PLXDC2: variants seen among roughly 807,000 people sequenced by gnomAD.
The protein encoded by PLXDC2 is plexin domain-containing protein 2.
Under a neutral mutation model 68.9 loss-of-function variants are expected in PLXDC2, and 40 were observed. The observed-to-expected ratio is 0.58, with a 90% CI of 0.45 to 0.76. PLXDC2 has a LOEUF of 0.76. Among genes scored for constraint, PLXDC2 ranks in the 30% least tolerant of loss-of-function variants. The probability of loss-of-function intolerance (pLI) is 0.00; values close to 1 mark genes in which losing one functional copy is unlikely to be tolerated. For missense variants in PLXDC2, 644 were observed against 661.9 expected (o/e 0.97, Z 0.30); for synonymous variants, 243 against 234.2 (o/e 1.04, Z -0.34).
intron 1 of PLXDC2, among the ~76,000 whole-genome samples, chr10:19,858,284 G>A (rs1025214464): frequency 6.6e-6 from 1 of 152,166 alleles, no homozygotes; most frequent in Non-Finnish European, 1.5e-5. Flanking sequence ...CCTGCACCAT[G>A]CAGCTAACCT....
chr10:20,035,805 C>A (rs935866274), intron 2 of PLXDC2, among the ~76,000 whole-genome samples: 1 of 152,172 alleles, frequency 6.6e-6, no homozygotes. Context: ...CAAGTAGTCA[C>A]AAGCTGGTAG....
intron 1 of PLXDC2, among the ~76,000 whole-genome samples, chr10:19,901,357 A>G (rs1360220884): frequency 6.6e-6 from 1 of 151,894 alleles, no homozygotes; most frequent in Non-Finnish European, 1.5e-5. Context: ...TGGTTTTTTG[A>G]TTATGGCCAT....
At chr10:20,004,493 G>A (rs1006748040) in intron 2 of PLXDC2, among the ~76,000 whole-genome samples, 3 of 152,158 alleles carry the variant, frequency 2.0e-5, no homozygotes, top group Admixed American at 6.5e-5. Flanking sequence ...CTGAATAGAA[G>A]CAGAGGCGTT....
chr10:20,098,820 G>A (rs987741798), intron 4 of PLXDC2, among the ~76,000 whole-genome samples: 1 of 152,134 alleles, frequency 6.6e-6, no homozygotes, highest in Non-Finnish European at 1.5e-5. Context: ...CAGATTGGGA[G>A]TTAGTCCTCT....
intron 1 of PLXDC2, among the ~76,000 whole-genome samples, chr10:19,977,211 C>T (rs889579790): frequency 1.8e-4 from 28 of 152,196 alleles, no homozygotes; most frequent in Non-Finnish European, 3.1e-4. Flanking sequence ...CCAACCAGGT[C>T]TTTTTATCGG....
At chr10:19,931,774 G>T (rs1041980619) in intron 1 of PLXDC2, among the ~76,000 whole-genome samples, 1 of 152,098 alleles carries the variant, frequency 6.6e-6, no homozygotes, top group African/African-American at 2.4e-5. Context: ...GCCTCTATCT[G>T]ACTCACCCTC....
chr10:19,890,726 C>G (rs911712512), intron 1 of PLXDC2, among the ~76,000 whole-genome samples: 1 of 142,500 alleles, frequency 7.0e-6, no homozygotes, highest in Non-Finnish European at 1.5e-5. Flanking sequence ...CGGCTAAACC[C>G]CACATTTTAA....
At chr10:20,044,217 C>CTT (rs1447424004) in intron 2 of PLXDC2, among the ~76,000 whole-genome samples, 51 of 13,598 alleles carry the variant, frequency 3.8e-3, no homozygotes, top group Admixed American at 9.7e-3. Flanking sequence ...CTCTGTCTTT[C>CTT]TTTCTTTCTT....
chr10:20,051,417 TATATATATATATA>T (rs1835898567), intron 3 of PLXDC2, among the ~76,000 whole-genome samples: 1 of 69,038 alleles, frequency 1.4e-5, no homozygotes, highest in Admixed American at 1.1e-4. Flanking sequence ...TATATATATA[TATATATATATATA>T]TATATATATA....
intron 13 of PLXDC2, among the ~76,000 whole-genome samples, chr10:20,272,787 G>A (rs1835956312): frequency 6.6e-6 from 1 of 152,218 alleles, no homozygotes; most frequent in Admixed American, 6.5e-5. Flanking sequence ...GCATTAAAGA[G>A]TGGGCTCGCT....
chr10:20,169,772 C>T (rs1472158166), intron 7 of PLXDC2, among the ~76,000 whole-genome samples: 1 of 152,120 alleles, frequency 6.6e-6, no homozygotes, highest in Non-Finnish European at 1.5e-5. Flanking sequence ...GAGAAAGTTA[C>T]GTTAACACTC....
At chr10:19,881,118 T>C (rs1244140682) in intron 1 of PLXDC2, among the ~76,000 whole-genome samples, 2 of 152,164 alleles carry the variant, frequency 1.3e-5, no homozygotes, top group East Asian at 3.9e-4. Flanking sequence ...AGATGCGATT[T>C]TTTTTTCTTT....
chr10:20,025,638 G>A (rs564605512), intron 2 of PLXDC2, among the ~76,000 whole-genome samples: 4 of 152,026 alleles, frequency 2.6e-5, no homozygotes, highest in Non-Finnish European at 5.9e-5. Flanking sequence ...TTTCTCTGAC[G>A]ATTAGTGGTG....
chr10:19,951,285 C>G (rs1833987504), intron 1 of PLXDC2, among the ~76,000 whole-genome samples: 1 of 152,076 alleles, frequency 6.6e-6, no homozygotes, highest in African/African-American at 2.4e-5. Context: ...GAAACTTAAA[C>G]AATTCAACAA....
At chr10:20,140,464 G>T (rs1296952327) in intron 4 of PLXDC2, among the ~76,000 whole-genome samples, 1 of 121,196 alleles carries the variant, frequency 8.3e-6, no homozygotes, top group East Asian at 2.3e-4. Context: ...AGCTGGGAAT[G>T]CCCAGAACAG....
intron 3 of PLXDC2, among the ~76,000 whole-genome samples, chr10:20,048,582 G>T (rs139359846): frequency 6.6e-6 from 1 of 152,024 alleles, no homozygotes; most frequent in Non-Finnish European, 1.5e-5. Flanking sequence ...AATATACTTC[G>T]TGGAATTTTG....
chr10:20,177,815 A>G (rs553811939), intron 9 of PLXDC2, among the ~76,000 whole-genome samples: 3 of 152,168 alleles, frequency 2.0e-5, no homozygotes, highest in Non-Finnish European at 4.4e-5. Context: ...TGCATTAGCA[A>G]TATTGTATGT....
At chr10:20,118,758 C>T (rs1011637402) in intron 4 of PLXDC2, among the ~76,000 whole-genome samples, 2 of 152,128 alleles carry the variant, frequency 1.3e-5, no homozygotes, top group African/African-American at 2.4e-5. Flanking sequence ...ATTCCAGGGA[C>T]AGGATTATAC....
At chr10:20,218,699 T>A (rs979652374) in intron 11 of PLXDC2, among the ~76,000 whole-genome samples, 2 of 148,472 alleles carry the variant, frequency 1.3e-5, no homozygotes, top group African/African-American at 5.1e-5. Flanking sequence ...TTTTCCTTGA[T>A]CTTGATTTTT....
Sources: allele counts gnomAD v4.1 joint callset (sites outside exome capture counted in the v4.1 genomes callset), GRCh38; gene constraint gnomAD v4.1.1; transcripts MANE v1.5; gene names NCBI Gene and HGNC (gene_info 2026-07-23, HGNC 2026-07-21).